SGCG: variants seen among roughly 807,000 people sequenced by gnomAD.
SGCG encodes the protein sarcoglycan gamma, also known as gamma-sarcoglycan.
Under a neutral mutation model 29.3 loss-of-function variants are expected in SGCG, and 26 were observed. The ratio of observed to expected loss-of-function variants is 0.89; its 90% CI spans 0.65 to 1.23. The LOEUF (loss-of-function observed/expected upper bound fraction) is 1.23, where lower values mean the gene tolerates loss of function less well. SGCG is among the 50% of genes most tolerant of loss of function. The probability of loss-of-function intolerance (pLI) is 0.00; values close to 1 mark genes in which losing one functional copy is unlikely to be tolerated. For missense variants in SGCG, 353 were observed against 356.0 expected (o/e 0.99, Z 0.07); for synonymous variants, 145 against 129.7 (o/e 1.12, Z -0.80).
At position 23,203,814 on chromosome 13, in the gene SGCG, T is replaced by C. The variant is rs1022001256; in HGVS notation, c.120T>C (p.Val40=). ...GWRKRCLYLF[V]LLLLIILVVN... is the part of the protein sequence containing the mutation. ...GAAAGCGCTGTCTCTACTTGTTTGT[T>C]CTTCTTTTACTCATCATCCTCGTTG... The change falls in exon 2 of 8, where the codon GTT becomes GTC. Residue 40 remains valine (V), a synonymous_variant. Transcript: ENST00000218867. The C allele has an allele frequency of 6.2e-7, 1 of 1,614,008 alleles. No individual in the cohort carries two copies. The highest frequency in any genetic ancestry group is 1.3e-5 in the African/African-American group (1 of 74,938).
chr13:23,166,804 A>G, the SGCG span, among the ~76,000 whole-genome samples: 1 of 152,206 alleles, frequency 6.6e-6, no homozygotes, highest in African/African-American at 2.4e-5. Context: ...GTAGGTGTAT[A>G]TATTTATGAG....
At chr13:23,208,090 A>C (rs750433868) in intron 2 of SGCG, among the ~76,000 whole-genome samples, 2 of 152,152 alleles carry the variant, frequency 1.3e-5, no homozygotes, top group Non-Finnish European at 2.9e-5. Flanking sequence ...GAAATGGTAA[A>C]GTTAAATAGG....
At chr13:23,179,278 G>C (rs1342809758), upstream of SGCG, among the ~76,000 whole-genome samples, 1 of 152,274 alleles carries the variant, frequency 6.6e-6, no homozygotes, top group South Asian at 2.1e-4. Flanking sequence ...TAAAATCAAA[G>C]GCTTCTTTAT....
chr13:23,231,521 A>G (rs1487843003), intron 2 of SGCG, among the ~76,000 whole-genome samples: 10 of 152,158 alleles, frequency 6.6e-5, no homozygotes. Context: ...GAAAACTGCC[A>G]CCATATGTTT....
chr13:23,248,072 T>G (rs572681030), intron 3 of SGCG, among the ~76,000 whole-genome samples: 2 of 150,874 alleles, frequency 1.3e-5, no homozygotes, highest in Non-Finnish European at 3.0e-5. Flanking sequence ...CCCAGGAGTT[T>G]GAGACCAGCC....
chr13:23,180,966 A>G (rs566634080), upstream of SGCG: 30 of 152,314 alleles, frequency 2.0e-4, 1 homozygote, highest in Admixed American at 1.9e-3. Context: ...CTGAAGCTTC[A>G]TCCTTTGCTC....
chr13:23,200,578 C>T (rs1482897980), intron 1 of SGCG, among the ~76,000 whole-genome samples: 1 of 152,058 alleles, frequency 6.6e-6, no homozygotes, highest in Non-Finnish European at 1.5e-5. Flanking sequence ...GAAAACCTCA[C>T]CCTCTCAGGG....
chr13:23,223,276 CAAAAAA>C (rs10569811), intron 2 of SGCG, among the ~76,000 whole-genome samples: 10,671 of 103,992 alleles, frequency 0.1, 359 homozygotes, highest in Non-Finnish European at 0.13. Flanking sequence ...GACTCTGTCA[CAAAAAA>C]AAAAAAAAAA....
At chr13:23,207,600 A>C (rs1391286752) in intron 2 of SGCG, among the ~76,000 whole-genome samples, 1 of 152,144 alleles carries the variant, frequency 6.6e-6, no homozygotes, top group African/African-American at 2.4e-5. Context: ...TATATAAGGA[A>C]CTCCTATAAC....
intron 6 of SGCG, among the ~76,000 whole-genome samples, chr13:23,295,892 C>T (rs1881887726): frequency 6.6e-6 from 1 of 152,224 alleles, no homozygotes; most frequent in Non-Finnish European, 1.5e-5. Context: ...GGACCTCCTC[C>T]CCTACCCTGT....
At chr13:23,211,942 G>C (rs1449726841) in intron 2 of SGCG, among the ~76,000 whole-genome samples, 1 of 152,140 alleles carries the variant, frequency 6.6e-6, no homozygotes, top group Non-Finnish European at 1.5e-5. Context: ...GGAGGTGATT[G>C]GATCATGGGG....
chr13:23,192,072 G>A (rs2137481561), intron 1 of SGCG, among the ~76,000 whole-genome samples: 1 of 151,804 alleles, frequency 6.6e-6, no homozygotes, highest in East Asian at 2.0e-4. Flanking sequence ...CTACTCGGGA[G>A]GCTGAGGCTG....
chr13:23,272,728 T>A (rs12877490), intron 4 of SGCG, among the ~76,000 whole-genome samples: 2 of 152,222 alleles, frequency 1.3e-5, no homozygotes, highest in Non-Finnish European at 2.9e-5. Context: ...AATTCGCTTG[T>A]GACACCATCT....
chr13:23,267,692 G>T (rs1880690345), intron 4 of SGCG: 1 of 152,270 alleles, frequency 6.6e-6, no homozygotes, highest in Non-Finnish European at 1.5e-5. Context: ...CTAAGAGACA[G>T]CAATGCCATC....
At chr13:23,176,470 GTTCC>G (rs1876557535), upstream of SGCG, among the ~76,000 whole-genome samples, 1 of 152,090 alleles carries the variant, frequency 6.6e-6, no homozygotes, top group Non-Finnish European at 1.5e-5. Flanking sequence ...TGCTGAAAAT[GTTCC>G]TTTATCATTA....
intron 4 of SGCG, among the ~76,000 whole-genome samples, chr13:23,254,839 G>A (rs1451759298): frequency 6.6e-6 from 1 of 152,200 alleles, no homozygotes; most frequent in African/African-American, 2.4e-5. Context: ...ATACTACTCA[G>A]GCCATCGCTG....
At chr13:23,232,161 T>C (rs972021491) in intron 2 of SGCG, among the ~76,000 whole-genome samples, 2 of 151,290 alleles carry the variant, frequency 1.3e-5, no homozygotes, top group Admixed American at 6.6e-5. Context: ...CTACCCAGTA[T>C]GGGAGGTAGC....
chr13:23,207,389 G>A (rs1297286853), intron 2 of SGCG, among the ~76,000 whole-genome samples: 1 of 152,120 alleles, frequency 6.6e-6, no homozygotes, highest in East Asian at 1.9e-4. Flanking sequence ...TTGGGGAAAA[G>A]CTTCATGACA....
chr13:23,319,795 A>T (rs567790883), intron 6 of SGCG, among the ~76,000 whole-genome samples: 1 of 152,180 alleles, frequency 6.6e-6, no homozygotes, highest in Non-Finnish European at 1.5e-5. Flanking sequence ...TGAGCAGCTG[A>T]AAAGTGTTTC....
Sources: allele counts gnomAD v4.1 joint callset (sites outside exome capture counted in the v4.1 genomes callset), GRCh38; gene constraint gnomAD v4.1.1; transcripts MANE v1.5; gene names NCBI Gene and HGNC (gene_info 2026-07-23, HGNC 2026-07-21).